The following MAP4K1 variants were observed in gnomAD, a reference collection of about 807,000 sequenced individuals.
MAP4K1 encodes the protein MAPK/ERK kinase kinase kinase 1.
In MAP4K1, 35 loss-of-function variants were observed where a neutral mutation model predicts 122.8. The observed-to-expected ratio is 0.29, with a 90% confidence interval of 0.22 to 0.38. The LOEUF is 0.38. Ranked by LOEUF, MAP4K1 falls within the 10% of genes least tolerant of loss-of-function variation. MAP4K1 has a pLI of 1.00. For missense variants in MAP4K1, 791 were observed against 1,072.6 expected (o/e 0.74, Z 3.67); for synonymous variants, 412 against 421.3 (o/e 0.98, Z 0.27).
rs1432412261 is a variant in MAP4K1 at position 38,595,726 on chromosome 19, G to C, written c.2183C>G (p.Ser728Cys). The change falls in exon 28 of 31, where the codon TCT becomes TGT. Residue 728 changes from serine (S) to cysteine (C), a missense_variant. Coordinates refer to ENST00000396857, the MANE Select transcript of MAP4K1 (RefSeq NM_001042600.3). ...CCCCTCCGGGGTCACCAGCTTCACA[G>C]AGCCTGGAAGGAGATAGACGGTTTT... ...EDMVMVLMDG[S>C]VKLVTPEGSP... 6 of 1,598,110 alleles carry C rather than the reference G, an allele frequency of 3.8e-6. No individual in the cohort carries two copies. Among genetic ancestry groups the C allele is most frequent in the Non-Finnish European group, 4.3e-6 (5 of 1,173,270 alleles).
chr19:38,610,008 C>T lies in MAP4K1; in HGVS notation c.828G>A (p.Gln276=), dbSNP rs1159603504. 8 of 1,613,802 alleles carry T rather than the reference C, an allele frequency of 5.0e-6. No homozygotes were observed. Among genetic ancestry groups the T allele is most frequent in the African/African-American group, 1.3e-5 (1 of 74,926 alleles). Residue 276 remains glutamine (Q), a synonymous_variant, in exon 12 of 31, where the codon CAG becomes CAA. Coordinates refer to ENST00000396857, the MANE Select transcript of MAP4K1 (RefSeq NM_001042600.3). ...TKMLSHQLVS[Q]PGLNRGLILD... The stretch of plus-strand genomic sequence containing the variant: ...GGATCAGGCCTCGATTCAGCCCAGG[C>T]TGGGATACCAGTTGATGCTGGCGGA...
Position 38,616,180 on chromosome 19 carries a change from T to G in MAP4K1, c.313+15A>C, listed in dbSNP as rs1568644433. ...ATAGGGAGGGGTGCTTGGGTCCCGTTGTCCTTTCTCTAACCTTGGTAGATG... is the reference window on the plus strand; with the variant it reads ...ATAGGGAGGGGTGCTTGGGTCCCGTGGTCCTTTCTCTAACCTTGGTAGATG... On this transcript the variant is annotated intron_variant, in intron 4 of 30. Coordinates refer to ENST00000396857, the MANE Select transcript of MAP4K1 (RefSeq NM_001042600.3). The G allele has an allele frequency of 6.2e-7, 1 of 1,609,516 alleles. No individual in the cohort carries two copies. Among genetic ancestry groups the G allele is most frequent in the Non-Finnish European group, 8.5e-7 (1 of 1,178,192 alleles).
rs764221952 is a variant in MAP4K1 at position 38,611,117 on chromosome 19, G to A, written c.744C>T (p.His248=). ...KEKGKWSAAF[H]NFIKVTLTKS... Reference sequence around the variant, plus strand: ...TAGTCAGAGTGACTTTGATGAAGTTGTGGAAGGCAGCCGACCTTGGGAAGA... The same window carrying A: ...TAGTCAGAGTGACTTTGATGAAGTTATGGAAGGCAGCCGACCTTGGGAAGA... The change falls in exon 11 of 31, where the codon CAC becomes CAT. Residue 248 remains histidine (H), a synonymous_variant. Transcript: ENST00000396857. The A allele has an allele frequency of 6.2e-7, 1 of 1,613,618 alleles. No individual in the cohort carries two copies. Among genetic ancestry groups the A allele is most frequent in the Non-Finnish European group, 8.5e-7 (1 of 1,179,828 alleles).
rs1230200673 is a variant in MAP4K1 at position 38,609,583 on chromosome 19, A to G, written c.1006+13T>C. On this transcript the variant is annotated intron_variant, in intron 13 of 30. Coordinates refer to ENST00000396857, the MANE Select transcript of MAP4K1 (RefSeq NM_001042600.3). Reference sequence around the variant, plus strand: ...GGGTCAGGTGTCCCCAAACATAAGGATTCTCTACTCACGACAGCAGTCTGC... The same window carrying G: ...GGGTCAGGTGTCCCCAAACATAAGGGTTCTCTACTCACGACAGCAGTCTGC... The G allele has an allele frequency of 6.2e-7, 1 of 1,612,126 alleles. No homozygotes were observed. The highest frequency in any genetic ancestry group is 8.5e-7 in the Non-Finnish European group (1 of 1,179,118).
chr19:38,607,230 G>A (rs1182525833), intron 16 of MAP4K1, among the ~76,000 whole-genome samples: 4 of 151,970 alleles, frequency 2.6e-5, no homozygotes, highest in African/African-American at 9.7e-5. Flanking sequence ...GCAGGTGGGG[G>A]GCTGACGCTG....
At chr19:38,598,869 C>T (rs888413272) in intron 22 of MAP4K1, among the ~76,000 whole-genome samples, 2 of 145,940 alleles carry the variant, frequency 1.4e-5, no homozygotes, top group East Asian at 2.1e-4. Flanking sequence ...AAAAATTAGC[C>T]GCGTGTGGTG....
chr19:38,591,663 A>C (rs769469359), intron 30 of MAP4K1, among the ~76,000 whole-genome samples: 5 of 152,056 alleles, frequency 3.3e-5, no homozygotes, highest in Admixed American at 2.6e-4. Context: ...TAATAAGATA[A>C]AAATCTAAAA....
intron 4 of MAP4K1, among the ~76,000 whole-genome samples, chr19:38,615,562 ACAGG>A (rs1429328270): frequency 6.6e-6 from 1 of 152,106 alleles, no homozygotes; most frequent in Non-Finnish European, 1.5e-5. Flanking sequence ...AGAACAACAC[ACAGG>A]CAGAGAGACA....
chr19:38,600,799 A>ATTTTTTTTTTTTTTT (rs560496607), intron 20 of MAP4K1, among the ~76,000 whole-genome samples: 1 of 90,958 alleles, frequency 1.1e-5, no homozygotes. Flanking sequence ...CCCTCTACCC[A>ATTTTTTTTTTTTTTT]TTTTTTTTTT....
At chr19:38,605,336 A>ACCCCCACCCCCCC in intron 19 of MAP4K1, 73 bp downstream of exon 19, 1 of 1,108,390 alleles carries the variant, frequency 9.0e-7, no homozygotes. Flanking sequence ...CAGTCCTGCC[A>ACCCCCACCCCCCC]CCCCCTCCCC....
chr19:38,590,098 CA>C (rs1409936055), intron 30 of MAP4K1, among the ~76,000 whole-genome samples: 1 of 151,532 alleles, frequency 6.6e-6, no homozygotes, highest in African/African-American at 2.4e-5. Flanking sequence ...CTACCTTAAC[CA>C]AATGACCGAA....
intron 30 of MAP4K1, chr19:38,589,307 C>A: frequency 3.7e-6 from 1 of 268,688 alleles, no homozygotes. Flanking sequence ...TGACTCAAAA[C>A]AACAACAAAA....
intron 19 of MAP4K1, chr19:38,601,746 T>G: frequency 1.9e-6 from 1 of 516,846 alleles, no homozygotes; most frequent in Non-Finnish European, 3.4e-6. Flanking sequence ...ATATATTTCT[T>G]TTTTTAGTTT....
chr19:38,613,986 C>G (rs372977342), intron 7 of MAP4K1, 34 bp from the exon 8 acceptor site: 97 of 1,613,262 alleles, frequency 6.0e-5, no homozygotes, highest in Non-Finnish European at 8.1e-5. Flanking sequence ...GATCTGGGGT[C>G]CACTGCGCTT....
At chr19:38,599,839 TCAGC>T in intron 22 of MAP4K1, 82 bp downstream of exon 22, 1 of 1,308,888 alleles carries the variant, frequency 7.6e-7, no homozygotes. Flanking sequence ...AAGTTTTTTT[TCAGC>T]TGTGCCCGTC....
intron 19 of MAP4K1, among the ~76,000 whole-genome samples, chr19:38,603,001 CAT>C (rs1975165886): frequency 6.9e-6 from 1 of 145,560 alleles, no homozygotes; most frequent in Non-Finnish European, 1.5e-5. Flanking sequence ...TATACATATA[CAT>C]ATATACACAC....
chr19:38,614,300 G>A lies in MAP4K1; in HGVS notation c.370-8C>T. Reference sequence around the variant, plus strand: ...GTGCAAATAGGCCAGTCCCTGGGGAGAAGGGTGGACAAGGGGACAGTGAGT... The same window carrying A: ...GTGCAAATAGGCCAGTCCCTGGGGAAAAGGGTGGACAAGGGGACAGTGAGT... On this transcript the variant is annotated splice_polypyrimidine_tract_variant and splice_region_variant and intron_variant, in intron 5 of 30. Coordinates refer to ENST00000396857, the MANE Select transcript of MAP4K1 (RefSeq NM_001042600.3). The A allele has an allele frequency of 2.5e-6, 4 of 1,614,198 alleles. No homozygotes were observed. Among genetic ancestry groups the A allele is most frequent in the African/African-American group, 1.3e-5 (1 of 75,058 alleles).
At chr19:38,603,055 T>C (rs1443292150) in intron 19 of MAP4K1, among the ~76,000 whole-genome samples, 1 of 134,356 alleles carries the variant, frequency 7.4e-6, no homozygotes, top group Non-Finnish European at 1.5e-5. Flanking sequence ...TATATACGCA[T>C]ATACATATAC....
At position 38,597,942 on chromosome 19, in the gene MAP4K1, A is replaced by C. The variant is rs570724346; in HGVS notation, c.1670-348T>G. 6.6e-6 allele frequency among the ~76,000 whole-genome samples: 1 copy of C among 152,326 alleles called. No homozygotes were observed. The highest frequency in any genetic ancestry group is 1.5e-5 in the Non-Finnish European group (1 of 68,028). ...AAGAAACACATCTAGAAAATCTTCT[A>C]GTTTGTCATCACAGATGTGGCTTTC... On this transcript the variant is annotated intron_variant, in intron 22 of 30. Coordinates refer to ENST00000396857, the MANE Select transcript of MAP4K1 (RefSeq NM_001042600.3). This position sits in a 1 kb window ranked among gnomAD's most constrained non-coding sequence, Gnocchi z 4.6.
Sources: gnomAD v4.1 joint callset for allele counts (sites outside exome capture counted in the v4.1 genomes callset) on GRCh38, gnomAD v4.1.1 for gene constraint, Gnocchi (gnomAD v3.1) non-coding constraint, MANE v1.5 for transcripts, NCBI Gene and HGNC (gene_info 2026-07-23, HGNC 2026-07-21) for gene names.